Variants in RAB40B observed in about 807,000 individuals in gnomAD.
RAB40B encodes ras-related protein Rab-40B.
Under a neutral mutation model 24.0 loss-of-function variants are expected in RAB40B, and 21 were observed. The ratio of observed to expected loss-of-function variants is 0.88; its 90% confidence interval spans 0.62 to 1.26. RAB40B has a LOEUF of 1.26. Among genes scored for constraint, RAB40B ranks in the 50% most tolerant of loss-of-function variants. RAB40B has a pLI of 0.00. For missense variants in RAB40B, 348 were observed against 390.5 expected (o/e 0.89, Z 0.92); for synonymous variants, 167 against 169.8 (o/e 0.98, Z 0.13).
At chr17:82,671,300 C>T (rs1398811666) in intron 1 of RAB40B, among the ~76,000 whole-genome samples, 1 of 151,282 alleles carries the variant, frequency 6.6e-6, no homozygotes. Flanking sequence ...TGACACACTT[C>T]ACCCCGTAAC....
At chr17:82,684,218 C>A (rs1439884129) in intron 1 of RAB40B, among the ~76,000 whole-genome samples, 2 of 38,864 alleles carry the variant, frequency 5.1e-5, no homozygotes, top group East Asian at 1.5e-3. Flanking sequence ...GAGACTCTGT[C>A]TCAAAAAAAA....
intron 1 of RAB40B, 183 bp from the exon 2 acceptor site, chr17:82,664,739 C>T (rs1489943491): frequency 6.8e-6 from 4 of 589,108 alleles, no homozygotes; most frequent in Non-Finnish European, 6.0e-6. Context: ...CCCTCCCGCA[C>T]CCGGGCCCCT....
rs187748463 is a variant in RAB40B at position 82,692,420 on chromosome 17, C to G, written c.142+6035G>C. On this transcript the variant is annotated intron_variant, in intron 1 of 5. Transcript: ENST00000571995. The surrounding 1 kb of genome is among the most constrained non-coding windows in gnomAD (Gnocchi z 4.0). ...AAAGGGAACACCTGGGCACAGCTGC[C>G]TGAGCAAGGACAAGATGCATCTGAC... Among the ~76,000 whole-genome samples, 1 of 152,214 alleles carries G rather than the reference C, an allele frequency of 6.6e-6. No homozygotes were observed. Among genetic ancestry groups the G allele is most frequent in the African/African-American group, 2.4e-5 (1 of 41,454 alleles).
At chr17:82,677,703 G>T (rs748078930) in intron 1 of RAB40B, among the ~76,000 whole-genome samples, 2 of 152,158 alleles carry the variant, frequency 1.3e-5, no homozygotes, top group Non-Finnish European at 2.9e-5. Flanking sequence ...GGCACAGGTG[G>T]CCTGGCCCTA....
chr17:82,655,210 G>A lies in RAB40B; in HGVS notation c.*2653C>T, dbSNP rs781460458. The A allele has an allele frequency of 2.0e-5, 3 of 151,974 alleles. No homozygotes were observed. Among genetic ancestry groups the A allele is most frequent in the Non-Finnish European group, 4.4e-5 (3 of 68,000 alleles). 9.4% of individuals were successfully genotyped at this position (151,974 alleles called of 1,614,324 possible). A position where few individuals can be genotyped will look rare whatever the true frequency, so the allele number is the denominator to read the frequency against. ...TTATTTTCTCGTAGCTCTGGAAGCC[G>A]GAAGTCCAAAACCAATAACTTGGCA... On this transcript the variant is annotated 3_prime_UTR_variant, in exon 6 of 6. Transcript: ENST00000571995.
intron 4 of RAB40B, 64 bp from the exon 5 acceptor site, chr17:82,658,777 T>G (rs973178015): frequency 3.1e-5 from 45 of 1,462,682 alleles, no homozygotes; most frequent in Non-Finnish European, 3.8e-5. Context: ...GTCGTCGTAA[T>G]GTGGGTGCTC....
intron 1 of RAB40B, among the ~76,000 whole-genome samples, chr17:82,673,587 T>G (rs1041925138): frequency 2.6e-5 from 4 of 152,232 alleles, no homozygotes; most frequent in African/African-American, 7.2e-5. Flanking sequence ...GGCATACAAT[T>G]GAGGGAGAAG....
chr17:82,670,784 T>C (rs2046322560), intron 1 of RAB40B, among the ~76,000 whole-genome samples: 2 of 152,110 alleles, frequency 1.3e-5, no homozygotes, highest in South Asian at 4.1e-4. Context: ...CTGCACGCCT[T>C]GGCCTCCCAA....
At chr17:82,693,015 T>G (rs555730207) in intron 1 of RAB40B, among the ~76,000 whole-genome samples, 1 of 152,106 alleles carries the variant, frequency 6.6e-6, no homozygotes, top group South Asian at 2.1e-4. Context: ...TTTTTCTTTT[T>G]TTTTGGAGAC....
chr17:82,683,364 T>C (rs1013163454), intron 1 of RAB40B, among the ~76,000 whole-genome samples: 1 of 152,158 alleles, frequency 6.6e-6, no homozygotes, highest in Non-Finnish European at 1.5e-5. Flanking sequence ...AGATACTAAA[T>C]GGAAAGAAAA....
chr17:82,667,475 C>T lies in RAB40B; in HGVS notation c.143-2919G>A, dbSNP rs1392070203. ...TTCCATGAGATCCCGAGCACCCCTC[C>T]CTCCCACAGCTGCTGTGTCCAGCCT... On this transcript the variant is annotated intron_variant, in intron 1 of 5. Transcript: ENST00000571995. The surrounding 1 kb of genome is among the most constrained non-coding windows in gnomAD (Gnocchi z 4.3). 6.6e-6 allele frequency among the ~76,000 whole-genome samples: 1 copy of T among 152,184 alleles called. No individual in the cohort carries two copies. The highest frequency in any genetic ancestry group is 6.5e-5 in the Admixed American group (1 of 15,286).
At chr17:82,668,798 A>G (rs1299416554) in intron 1 of RAB40B, among the ~76,000 whole-genome samples, 3 of 152,208 alleles carry the variant, frequency 2.0e-5, no homozygotes, top group Non-Finnish European at 4.4e-5. Context: ...GGGCCGCGGC[A>G]CGCAGGGAAG....
chr17:82,697,689 C>T lies in RAB40B; in HGVS notation c.142+766G>A, dbSNP rs1052785328. 6.6e-6 allele frequency among the ~76,000 whole-genome samples: 1 copy of T among 152,206 alleles called. No homozygotes were observed. Among genetic ancestry groups the T allele is most frequent in the African/African-American group, 2.4e-5 (1 of 41,454 alleles). ...CGTTCCCCCTTCTCCTGGGTTCCTG[C>T]CCCCGCCTTTCTTTCCCCGGAGCCG... On this transcript the variant is annotated intron_variant, in intron 1 of 5. Coordinates refer to ENST00000571995, the MANE Select transcript of RAB40B (RefSeq NM_006822.3). This position sits in a 1 kb window ranked among gnomAD's most constrained non-coding sequence, Gnocchi z 4.9.
At chr17:82,680,329 G>A (rs1238740924) in intron 1 of RAB40B, among the ~76,000 whole-genome samples, 1 of 152,132 alleles carries the variant, frequency 6.6e-6, no homozygotes, top group African/African-American at 2.4e-5. Flanking sequence ...ACCCACCTTG[G>A]CCACGACCTG....
intron 1 of RAB40B, among the ~76,000 whole-genome samples, chr17:82,666,610 T>A (rs1162648057): frequency 6.6e-6 from 1 of 151,234 alleles, no homozygotes; most frequent in Non-Finnish European, 1.5e-5. Flanking sequence ...ACCAGTGTTC[T>A]GCTTCTTTAG....
At chr17:82,661,333 T>C (rs894798495) in intron 2 of RAB40B, 1 of 1,122,754 alleles carries the variant, frequency 8.9e-7, no homozygotes, top group Non-Finnish European at 1.1e-6. Context: ...CAATGTAGGC[T>C]TTAAAAAACT....
chr17:82,659,901 A>T, intron 3 of RAB40B: 1 of 512,440 alleles, frequency 2.0e-6, no homozygotes, highest in East Asian at 3.6e-5. Context: ...GAGCCACTCC[A>T]GGAACACAGG....
chr17:82,672,015 A>ACACT (rs1555657176), intron 1 of RAB40B, among the ~76,000 whole-genome samples: 4 of 926 alleles, frequency 4.3e-3, no homozygotes, highest in Non-Finnish European at 6.3e-3. Context: ...TCTAACACAC[A>ACACT]CACACGCTCC....
chr17:82,664,477 G>C lies in RAB40B; in HGVS notation c.203+19C>G, dbSNP rs376076189. On this transcript the variant is annotated intron_variant, in intron 2 of 5. Transcript: ENST00000571995. Reference sequence around the variant, plus strand: ...TACTCCCTGGGGGTGCGGGACGCTCGCACCTCCTCCAGACTCACCAGAGCT... The same window carrying C: ...TACTCCCTGGGGGTGCGGGACGCTCCCACCTCCTCCAGACTCACCAGAGCT... 6.2e-7 allele frequency: 1 copy of C among 1,611,274 alleles called. No individual in the cohort carries two copies. Among genetic ancestry groups the C allele is most frequent in the South Asian group, 1.1e-5 (1 of 90,946 alleles).
Sources: gnomAD v4.1 joint callset for allele counts (sites outside exome capture counted in the v4.1 genomes callset) on GRCh38, gnomAD v4.1.1 for gene constraint, Gnocchi (gnomAD v3.1) non-coding constraint, MANE v1.5 for transcripts, NCBI Gene and HGNC (gene_info 2026-07-23, HGNC 2026-07-21) for gene names.